The following NPAS3 variants were observed in gnomAD, a reference collection of about 807,000 sequenced individuals.
NPAS3 encodes the protein neuronal PAS domain protein 3, also known as neuronal PAS domain-containing protein 3.
A neutral mutation model predicts 73.1 loss-of-function variants in NPAS3; 14 were observed. The ratio of observed to expected loss-of-function variants is 0.19; its 90% CI spans 0.13 to 0.30. NPAS3 has a LOEUF of 0.30. NPAS3 is among the 10% of genes least tolerant of loss of function. NPAS3 has a pLI of 1.00. For synonymous variants in NPAS3, 620 were observed against 541.5 expected, an observed-to-expected ratio of 1.14 and a Z score of -2.01; for missense variants, 1,096 against 1,250.0, an observed-to-expected ratio of 0.88 and a Z score of 1.86.
At chr14:33,271,933 C>T (rs2041107677) in intron 3 of NPAS3, among the ~76,000 whole-genome samples, 1 of 152,046 alleles carries the variant, frequency 6.6e-6, no homozygotes, top group Non-Finnish European at 1.5e-5. Flanking sequence ...AAAGATCAAG[C>T]TGATTGTTAT....
chr14:33,116,972 C>T (rs1393262928), intron 2 of NPAS3, among the ~76,000 whole-genome samples: 1 of 152,028 alleles, frequency 6.6e-6, no homozygotes, highest in Non-Finnish European at 1.5e-5. Flanking sequence ...TTTTAATAGG[C>T]CATTGCTTTG....
chr14:33,552,632 T>A (rs2055171346), intron 4 of NPAS3, among the ~76,000 whole-genome samples: 1 of 152,150 alleles, frequency 6.6e-6, no homozygotes, highest in Admixed American at 6.5e-5. Context: ...TTCGACAGGA[T>A]GTAAGGTAAA....
At chr14:33,693,806 T>C (rs759756402) in intron 6 of NPAS3, among the ~76,000 whole-genome samples, 1 of 152,206 alleles carries the variant, frequency 6.6e-6, no homozygotes, top group Non-Finnish European at 1.5e-5. Flanking sequence ...CTAATCCTGT[T>C]AATTCAAAGT....
At chr14:33,438,587 C>T (rs571733528) in intron 4 of NPAS3, among the ~76,000 whole-genome samples, 1 of 152,186 alleles carries the variant, frequency 6.6e-6, no homozygotes, top group East Asian at 1.9e-4. Flanking sequence ...GGGCCTTTGC[C>T]GATTTGGATT....
At chr14:33,299,179 T>C (rs913316619) in intron 3 of NPAS3, among the ~76,000 whole-genome samples, 1 of 152,190 alleles carries the variant, frequency 6.6e-6, no homozygotes, top group Non-Finnish European at 1.5e-5. Flanking sequence ...CCACGTAGTG[T>C]TCAAACACTC....
intron 3 of NPAS3, among the ~76,000 whole-genome samples, chr14:33,229,008 T>C (rs2047742676): frequency 6.6e-6 from 1 of 152,230 alleles, no homozygotes; most frequent in Admixed American, 6.5e-5. Context: ...GAATTTATTA[T>C]GCATAAATAT....
intron 5 of NPAS3, among the ~76,000 whole-genome samples, chr14:33,650,829 G>C (rs1445906215): frequency 1.3e-5 from 2 of 152,142 alleles, no homozygotes; most frequent in Non-Finnish European, 2.9e-5. Context: ...TATCTCTCGT[G>C]GTGAGCCCCT....
In NPAS3 at chr14:33,387,957, T is replaced by C. The variant is rs59103608; in HGVS notation, c.468+20689T>C. Among the ~76,000 whole-genome samples, 477 of 152,278 alleles carry C rather than the reference T, an allele frequency of 3.1e-3. 3 individuals carry two copies. Among genetic ancestry groups the C allele is most frequent in the African/African-American group, 0.011 (449 of 41,560 alleles). ...CTACTAGAAGCTAAACTAGTCATGGTAGAGTCAAAGAGTGAAGGAAGCCTC... is the reference window on the plus strand; with the variant it reads ...CTACTAGAAGCTAAACTAGTCATGGCAGAGTCAAAGAGTGAAGGAAGCCTC... On this transcript the variant is annotated intron_variant, in intron 4 of 11. Coordinates refer to ENST00000356141, the Ensembl canonical transcript of NPAS3.
intron 3 of NPAS3, among the ~76,000 whole-genome samples, chr14:33,346,731 C>G (rs1194660242): frequency 6.6e-6 from 1 of 152,076 alleles, no homozygotes; most frequent in Non-Finnish European, 1.5e-5. Context: ...GTATACCCAT[C>G]ATGGAACCCA....
intron 4 of NPAS3, among the ~76,000 whole-genome samples, chr14:33,393,142 G>T (rs932493167): frequency 6.6e-6 from 1 of 152,030 alleles, no homozygotes; most frequent in African/African-American, 2.4e-5. Flanking sequence ...CCTGTTGAGG[G>T]AAGTGAGGGG....
chr14:33,584,414 G>A (rs5025296), intron 5 of NPAS3, among the ~76,000 whole-genome samples: 2,988 of 139,518 alleles, frequency 0.021, 97 homozygotes, highest in African/African-American at 0.067. Context: ...AAAAAAAAAG[G>A]GGGATCAATA....
rs369320971 is a variant in NPAS3 at position 33,265,799 on chromosome 14, TAAAAA to T, written c.385+50375_385+50379del. Among the ~76,000 whole-genome samples, 1,426 of 152,100 alleles carry T rather than the reference TAAAAA, an allele frequency of 9.4e-3. 34 individuals carry two copies. The highest frequency in any genetic ancestry group is 0.033 in the African/African-American group (1,362 of 41,500). On this transcript the variant is annotated intron_variant, in intron 3 of 11. Coordinates refer to ENST00000356141, the Ensembl canonical transcript of NPAS3. ...ACTTGAAATATTTAAATCAACCCCT[TAAAAA>T]AGGAATCTACGTTGGCTTTCTGATA... is the stretch of plus-strand genomic sequence containing the variant.
chr14:33,068,308 C>T (rs17100062), intron 2 of NPAS3, among the ~76,000 whole-genome samples: 14,663 of 152,218 alleles, frequency 0.096, 846 homozygotes, highest in East Asian at 0.14. Flanking sequence ...TTTCTTAGCG[C>T]GAGTTCTGTG....
intron 1 of NPAS3, among the ~76,000 whole-genome samples, chr14:33,000,585 G>A (rs1189403208): frequency 6.6e-6 from 1 of 152,208 alleles, no homozygotes; most frequent in Non-Finnish European, 1.5e-5. Context: ...GGCAATATAT[G>A]AGGCATGTAG....
intron 3 of NPAS3, among the ~76,000 whole-genome samples, chr14:33,330,197 C>T (rs2043918981): frequency 6.6e-6 from 1 of 152,090 alleles, no homozygotes; most frequent in African/African-American, 2.4e-5. Flanking sequence ...GAGCCAAGAT[C>T]ACGCCACTGC....
rs116928936 is a variant in NPAS3 at position 33,796,220 on chromosome 14, A to G, written c.1302-1237A>G. Among the ~76,000 whole-genome samples the G allele has an allele frequency of 8.9e-4, 136 of 152,320 alleles. 3 individuals carry two copies. The East Asian group carries it at 0.025, about 28-fold the overall frequency. ...ACTTCTTCCTGCCCAGAACCCTTGC[A>G]CCCAGGCCCCAATCCAGGCTTGTCC... On this transcript the variant is annotated intron_variant, in intron 10 of 11. Coordinates refer to ENST00000356141, the Ensembl canonical transcript of NPAS3.
rs542163241 is a variant in NPAS3, at chr14:33,249,907, T to TATAC, written c.385+34482_385+34483insTACA. Among the ~76,000 whole-genome samples, 461 of 147,060 alleles carry TATAC rather than the reference T, an allele frequency of 3.1e-3. 1 individual carries two copies. The highest frequency in any genetic ancestry group is 8.4e-3 in the African/African-American group (334 of 39,940). On this transcript the variant is annotated intron_variant, in intron 3 of 11. Transcript: ENST00000356141. The stretch of plus-strand genomic sequence containing the variant: ...AACGCGTTTGGAAGCAAATCTGTCA[T>TATAC]ACACACACACACACACACACACACA...
chr14:33,506,467 T>A (rs2052767632), intron 4 of NPAS3, among the ~76,000 whole-genome samples: 1 of 152,104 alleles, frequency 6.6e-6, no homozygotes, highest in Non-Finnish European at 1.5e-5. Context: ...TATTTACATG[T>A]ATTGTTGTTT....
intron 3 of NPAS3, among the ~76,000 whole-genome samples, chr14:33,275,759 G>A (rs2041300605): frequency 6.6e-6 from 1 of 152,164 alleles, no homozygotes. Context: ...AGAATTTAAA[G>A]TGGATAGTCA....
Sources: allele counts gnomAD v4.1 joint callset (sites outside exome capture counted in the v4.1 genomes callset), GRCh38; gene constraint gnomAD v4.1.1; transcripts MANE v1.5; gene names NCBI Gene and HGNC (gene_info 2026-07-23, HGNC 2026-07-21).